LUZP2: variants seen among roughly 807,000 people sequenced by gnomAD.
LUZP2 encodes leucine zipper protein 2.
A neutral mutation model predicts 51.6 loss-of-function variants in LUZP2; 52 were observed. The ratio of observed to expected loss-of-function variants is 1.01; its 90% CI spans 0.81 to 1.27. LUZP2 has a LOEUF of 1.27. LUZP2 is among the 50% of genes most tolerant of loss of function. The probability of loss-of-function intolerance (pLI) is 0.00; values close to 1 mark genes in which losing one functional copy is unlikely to be tolerated. For missense variants in LUZP2, 436 were observed against 395.4 expected (o/e 1.10, Z -0.87); for synonymous variants, 154 against 137.3 (o/e 1.12, Z -0.85).
intron 5 of LUZP2, among the ~76,000 whole-genome samples, chr11:24,824,235 A>C (rs966047908): frequency 2.0e-5 from 3 of 151,126 alleles, no homozygotes; most frequent in African/African-American, 7.3e-5. Context: ...GCATGGTGGC[A>C]CATGCCTGTA....
At chr11:24,716,499 A>C (rs987429) in intron 1 of LUZP2, among the ~76,000 whole-genome samples, 1 of 152,176 alleles carries the variant, frequency 6.6e-6, no homozygotes, top group East Asian at 1.9e-4. Context: ...AAAAGAGTCA[A>C]GAAGGGTTCC....
intron 1 of LUZP2, among the ~76,000 whole-genome samples, chr11:24,656,950 C>G (rs972097804): frequency 2.0e-5 from 3 of 152,132 alleles, no homozygotes. Context: ...TGTAAAGTCC[C>G]TTTTGCCATG....
intron 1 of LUZP2, among the ~76,000 whole-genome samples, chr11:24,534,094 T>A (rs1851095880): frequency 6.6e-6 from 1 of 151,312 alleles, no homozygotes; most frequent in South Asian, 2.1e-4. Context: ...TATTTACAAT[T>A]TGTTGAATCC....
rs1019520231 is a variant in LUZP2 at position 24,585,625 on chromosome 11, GAAC to G, written c.62+88330_62+88332del. 3.0e-3 allele frequency among the ~76,000 whole-genome samples: 452 copies of G among 151,942 alleles called. 3 individuals carry two copies. Among genetic ancestry groups the G allele is most frequent in the African/African-American group, 0.011 (438 of 41,470 alleles). On this transcript the variant is annotated intron_variant, in intron 1 of 11. Coordinates refer to ENST00000336930, the MANE Select transcript of LUZP2 (RefSeq NM_001009909.4). ...GTTAAAAAAACAAACCAACCCACAA[GAAC>G]AACAACAACCACTTCTGTTCTTTTG... is the stretch of plus-strand genomic sequence containing the variant.
intron 1 of LUZP2, among the ~76,000 whole-genome samples, chr11:24,709,545 T>C (rs1327366176): frequency 6.6e-6 from 1 of 152,184 alleles, no homozygotes; most frequent in Non-Finnish European, 1.5e-5. Context: ...GTAGTTATCA[T>C]ATGCCTATTT....
At chr11:24,570,145 C>G (rs1852386691) in intron 1 of LUZP2, among the ~76,000 whole-genome samples, 2 of 152,006 alleles carry the variant, frequency 1.3e-5, no homozygotes, top group South Asian at 4.1e-4. Flanking sequence ...GAAAAACAAA[C>G]TAGGGCAAAA....
intron 7 of LUZP2, among the ~76,000 whole-genome samples, chr11:24,921,843 G>A (rs541227936): frequency 8.5e-5 from 13 of 152,110 alleles, no homozygotes; most frequent in African/African-American, 2.7e-4. Context: ...GAGGAGTACC[G>A]TATATATTTA....
intron 7 of LUZP2, among the ~76,000 whole-genome samples, chr11:24,945,228 C>A (rs971543551): frequency 6.6e-6 from 1 of 151,958 alleles, no homozygotes; most frequent in African/African-American, 2.4e-5. Flanking sequence ...ATGGCAAAAC[C>A]TGAAAAAAAT....
In LUZP2 at chr11:24,623,259, T is replaced by A. The variant is rs543382918; in HGVS notation, c.63-105910T>A. Among the ~76,000 whole-genome samples the A allele has an allele frequency of 1.8e-4, 26 of 142,892 alleles. No individual in the cohort carries two copies. In the East Asian group the frequency reaches 3.3e-3, roughly 18 times the overall value. 93.7% of individuals were successfully genotyped at this position (142,892 alleles called of 152,430 possible). A position where few individuals can be genotyped will look rare whatever the true frequency, so the allele number is the denominator to read the frequency against. On this transcript the variant is annotated intron_variant, in intron 1 of 11. Coordinates refer to ENST00000336930, the MANE Select transcript of LUZP2 (RefSeq NM_001009909.4). ...AACTCATGGGAAAAGGAAAAAAAAA[T>A]TTACGGGACTTAAAGAGGATTGCAA... is the stretch of plus-strand genomic sequence containing the variant.
At chr11:25,065,327 T>A (rs1274844404) in intron 10 of LUZP2, among the ~76,000 whole-genome samples, 3 of 152,044 alleles carry the variant, frequency 2.0e-5, no homozygotes, top group Admixed American at 1.3e-4. Flanking sequence ...TAATTGCCTA[T>A]AACATTAATC....
chr11:24,801,240 G>A (rs1434236062), intron 5 of LUZP2, among the ~76,000 whole-genome samples: 1 of 152,134 alleles, frequency 6.6e-6, no homozygotes, highest in South Asian at 2.1e-4. Flanking sequence ...ATCATTGTTG[G>A]TGAGGGAATA....
intron 1 of LUZP2, among the ~76,000 whole-genome samples, chr11:24,700,598 A>G (rs1267316296): frequency 6.6e-6 from 1 of 152,064 alleles, no homozygotes; most frequent in Non-Finnish European, 1.5e-5. Flanking sequence ...TTTAAATGCT[A>G]TATCCCCCAA....
At chr11:24,575,861 C>G (rs1261771433) in intron 1 of LUZP2, among the ~76,000 whole-genome samples, 1 of 151,916 alleles carries the variant, frequency 6.6e-6, no homozygotes, top group Non-Finnish European at 1.5e-5. Flanking sequence ...TTATTTCCTT[C>G]TATTTTCCTC....
At chr11:24,793,945 AATT>A in intron 5 of LUZP2, among the ~76,000 whole-genome samples, 1 of 152,248 alleles carries the variant, frequency 6.6e-6, no homozygotes, top group African/African-American at 2.4e-5. Context: ...CTGACTAACC[AATT>A]ATTAATAGAA....
At chr11:24,919,574 TTAAA>T (rs1471190770) in intron 7 of LUZP2, among the ~76,000 whole-genome samples, 5 of 144,850 alleles carry the variant, frequency 3.5e-5, no homozygotes, top group African/African-American at 1.2e-4. Context: ...AATTTTTAAT[TTAAA>T]TACACAGGAT....
Position 24,821,031 on chromosome 11 carries a change from G to C in LUZP2, c.396+57723G>C, listed in dbSNP as rs558034048. On this transcript the variant is annotated intron_variant, in intron 5 of 11. Transcript: ENST00000336930. ...ACAAATTGGAGTGTAGAATATTTTG[G>C]AATGTCTTTTTCAAGAGTGTTATTA... Among the ~76,000 whole-genome samples the C allele has an allele frequency of 7.9e-5, 12 of 152,188 alleles. No individual in the cohort carries two copies. The South Asian group carries it at 2.3e-3, about 29-fold the overall frequency.
At chr11:24,748,444 T>G (rs1239527794) in intron 4 of LUZP2, among the ~76,000 whole-genome samples, 2 of 151,468 alleles carry the variant, frequency 1.3e-5, no homozygotes, top group African/African-American at 2.4e-5. Flanking sequence ...TTAGAGGGTG[T>G]GTCTATTCTT....
At chr11:24,928,616 T>C (rs535030116) in intron 7 of LUZP2, among the ~76,000 whole-genome samples, 8 of 152,120 alleles carry the variant, frequency 5.3e-5, no homozygotes, top group African/African-American at 1.7e-4. Context: ...TGAAATACTG[T>C]TGGATTTTGT....
rs78577143 is a variant in LUZP2, at chr11:24,699,243, A to G, written c.63-29926A>G. ...ACCTTTCTTCCACCCACGCTTCACCATAAATTTTATGTTTGTTCTTGCTTC... is the reference window on the plus strand; with the variant it reads ...ACCTTTCTTCCACCCACGCTTCACCGTAAATTTTATGTTTGTTCTTGCTTC... On this transcript the variant is annotated intron_variant, in intron 1 of 11. Coordinates refer to ENST00000336930, the MANE Select transcript of LUZP2 (RefSeq NM_001009909.4). Among the ~76,000 whole-genome samples, 356 of 152,210 alleles carry G rather than the reference A, an allele frequency of 2.3e-3. 10 individuals carry two copies. The East Asian group carries it at 0.054, about 23-fold the overall frequency.
Sources: gnomAD v4.1 joint callset for allele counts (sites outside exome capture counted in the v4.1 genomes callset) on GRCh38, gnomAD v4.1.1 for gene constraint, MANE v1.5 for transcripts, NCBI Gene and HGNC (gene_info 2026-07-23, HGNC 2026-07-21) for gene names.